Variants in C11orf65 observed in about 807,000 individuals in gnomAD.
The protein encoded by C11orf65 is protein MFI.
C11orf65 carries 38 observed loss-of-function variants against 35.3 expected under a neutral mutation model. The observed-to-expected ratio is 1.08, with a 90% CI of 0.83 to 1.41. The LOEUF (loss-of-function observed/expected upper bound fraction) is 1.41, where lower values mean the gene tolerates loss of function less well. Ranked by LOEUF, C11orf65 falls within the 40% of genes most tolerant of loss-of-function variation. The pLI is 0.00. For synonymous variants in C11orf65, 105 were observed against 114.4 expected (o/e 0.92, Z 0.53); for missense variants, 370 against 367.1 (o/e 1.01, Z -0.06).
At chr11:108,430,101 T>A (rs1327951409) in intron 3 of C11orf65, among the ~76,000 whole-genome samples, 1 of 151,334 alleles carries the variant, frequency 6.6e-6, no homozygotes, top group East Asian at 1.9e-4. Context: ...ACATTATAAA[T>A]GTGTTTAGTA....
At chr11:108,441,418 C>T (rs1017961502) in intron 2 of C11orf65, among the ~76,000 whole-genome samples, 9 of 152,204 alleles carry the variant, frequency 5.9e-5, no homozygotes, top group African/African-American at 1.9e-4. Context: ...GAACAAAAGG[C>T]AGCAGAAACT....
chr11:108,324,901 AG>A (rs1477892403), intron 6 of C11orf65, among the ~76,000 whole-genome samples: 1 of 152,192 alleles, frequency 6.6e-6, no homozygotes, highest in African/African-American at 2.4e-5. Context: ...CATCCCCAGT[AG>A]GGGGTCCCTC....
downstream of C11orf65, chr11:108,330,266 G>A (rs1565529541): frequency 1.2e-6 from 2 of 1,614,194 alleles, no homozygotes; most frequent in Non-Finnish European, 1.7e-6. Flanking sequence ...AGCCCTGCGT[G>A]CACTGAAAGA....
At chr11:108,354,542 G>A (rs1321691824) in intron 2 of C11orf65, among the ~76,000 whole-genome samples, 1 of 152,238 alleles carries the variant, frequency 6.6e-6, no homozygotes, top group Non-Finnish European at 1.5e-5. Context: ...CAAAGACTGA[G>A]AGCTGAGCCC....
intron 2 of C11orf65, among the ~76,000 whole-genome samples, chr11:108,371,730 C>G (rs1471264070): frequency 6.6e-6 from 1 of 152,072 alleles, no homozygotes; most frequent in Non-Finnish European, 1.5e-5. Flanking sequence ...CTTCAGAACT[C>G]TTTTTTCTTT....
chr11:108,340,790 T>C (rs2087458238), intron 2 of C11orf65, among the ~76,000 whole-genome samples: 1 of 152,172 alleles, frequency 6.6e-6, no homozygotes, highest in South Asian at 2.1e-4. Context: ...GTATGAAGCA[T>C]TTGCCTATAA....
chr11:108,437,619 G>T (rs374964068), intron 2 of C11orf65, among the ~76,000 whole-genome samples: 4 of 143,102 alleles, frequency 2.8e-5, no homozygotes, highest in African/African-American at 1.1e-4. Flanking sequence ...CAGGAGAATC[G>T]CTTGAATCCG....
chr11:108,459,834 C>G (rs2135744567), intron 2 of C11orf65, among the ~76,000 whole-genome samples: 1 of 151,906 alleles, frequency 6.6e-6, no homozygotes, highest in Admixed American at 6.6e-5. Context: ...TCTGAAATGC[C>G]TAGCACAATG....
At chr11:108,352,071 G>C (rs1319786158) in intron 2 of C11orf65, among the ~76,000 whole-genome samples, 1 of 152,150 alleles carries the variant, frequency 6.6e-6, no homozygotes, top group African/African-American at 2.4e-5. Context: ...GTTTAAGGAA[G>C]ATCCTGAGTC....
chr11:108,446,841 T>C (rs1002856062), intron 2 of C11orf65, among the ~76,000 whole-genome samples: 11 of 152,130 alleles, frequency 7.2e-5, no homozygotes, highest in South Asian at 2.1e-4. Flanking sequence ...GACTGGCAAA[T>C]TGGATAAAGA....
upstream of C11orf65, among the ~76,000 whole-genome samples, chr11:108,469,252 T>C (rs2093563265): frequency 1.3e-5 from 2 of 150,886 alleles, no homozygotes; most frequent in Admixed American, 1.3e-4. Flanking sequence ...TACACAACAA[T>C]GTGAATGTAC....
rs34278416 is a variant in C11orf65 at position 108,430,295 on chromosome 11, A to AT, written c.174+1450dup. Among the ~76,000 whole-genome samples, 571 of 125,784 alleles carry AT rather than the reference A, an allele frequency of 4.5e-3. 1 individual carries two copies. Among genetic ancestry groups the AT allele is most frequent in the South Asian group, 0.034 (128 of 3,750 alleles). The allele number at this position is 125,784 out of a possible 152,430, so 82.5% of individuals were successfully genotyped here. On this transcript the variant is annotated intron_variant, in intron 3 of 8. Transcript: ENST00000393084. Reference sequence around the variant, plus strand: ...AGGCACCTGCCACCACGCCTGGCTAATTTTTTTTTTTTTTTTTGTATTTTT... The same window carrying AT: ...AGGCACCTGCCACCACGCCTGGCTAATTTTTTTTTTTTTTTTTTGTATTTTT...
At chr11:108,348,508 T>A (rs547055661) in intron 2 of C11orf65, among the ~76,000 whole-genome samples, 1 of 151,700 alleles carries the variant, frequency 6.6e-6, no homozygotes, top group African/African-American at 2.4e-5. Flanking sequence ...TTAGTTTTGC[T>A]CATTATTTTG....
chr11:108,417,185 GA>G (rs1296054639), intron 3 of C11orf65, among the ~76,000 whole-genome samples: 1 of 152,162 alleles, frequency 6.6e-6, no homozygotes, highest in Non-Finnish European at 1.5e-5. Flanking sequence ...CATTACATGT[GA>G]ATGAAGTAAA....
At chr11:108,422,027 G>C (rs2092824982) in intron 3 of C11orf65, among the ~76,000 whole-genome samples, 1 of 152,066 alleles carries the variant, frequency 6.6e-6, no homozygotes, top group Non-Finnish European at 1.5e-5. Context: ...TGCCTCCCTG[G>C]CCCAAGCGAT....
intron 3 of C11orf65, among the ~76,000 whole-genome samples, chr11:108,415,242 G>A: frequency 6.6e-6 from 1 of 152,086 alleles, no homozygotes; most frequent in East Asian, 1.9e-4. Flanking sequence ...TGACATGATT[G>A]TCTATGTTAA....
chr11:108,353,307 C>T (rs1294508524), intron 2 of C11orf65, among the ~76,000 whole-genome samples: 1 of 152,078 alleles, frequency 6.6e-6, no homozygotes, highest in East Asian at 1.9e-4. Context: ...TGCTACCACA[C>T]CCAGCTAATT....
intron 7 of C11orf65, among the ~76,000 whole-genome samples, chr11:108,392,429 G>A (rs960890725): frequency 0.17 from 53 of 306 alleles, no homozygotes; most frequent in African/African-American, 0.33. Context: ...CATTTGGGGT[G>A]TCTTCTGCTT....
At chr11:108,353,965 C>A in intron 2 of C11orf65, 1 of 1,356,958 alleles carries the variant, frequency 7.4e-7, no homozygotes, top group South Asian at 1.2e-5. Context: ...CCTGTAATCC[C>A]AGCTGCTCAA....
Sources: allele counts gnomAD v4.1 joint callset (sites outside exome capture counted in the v4.1 genomes callset), GRCh38; gene constraint gnomAD v4.1.1; transcripts MANE v1.5; gene names NCBI Gene and HGNC (gene_info 2026-07-23, HGNC 2026-07-21).